Variants in SLX4IP observed in about 807,000 individuals in gnomAD.
SLX4IP encodes protein SLX4IP.
A neutral mutation model predicts 32.9 loss-of-function variants in SLX4IP; 34 were observed. That is an observed-to-expected ratio of 1.03 (90% CI 0.79 to 1.38). The LOEUF (loss-of-function observed/expected upper bound fraction) is 1.38. Among genes scored for constraint, SLX4IP ranks in the 40% most tolerant of loss-of-function variants. The pLI, the probability that SLX4IP is intolerant of heterozygous loss-of-function variation, is 0.00. For missense variants in SLX4IP, 444 were observed against 479.0 expected (o/e 0.93, Z 0.68); for synonymous variants, 172 against 171.7 (o/e 1.00, Z -0.01).
intron 2 of SLX4IP, among the ~76,000 whole-genome samples, chr20:10,510,249 T>G (rs1400066722): frequency 6.6e-6 from 1 of 152,016 alleles, no homozygotes; most frequent in East Asian, 1.9e-4. Flanking sequence ...GTGCCGTCCA[T>G]GCACTGGATA....
chr20:10,516,542 C>G (rs860714), intron 2 of SLX4IP, among the ~76,000 whole-genome samples: 2 of 151,786 alleles, frequency 1.3e-5, no homozygotes, highest in Non-Finnish European at 2.9e-5. Context: ...CCTTCTAAGA[C>G]GTATGCTTGT....
intron 7 of SLX4IP, among the ~76,000 whole-genome samples, chr20:10,622,066 A>C (rs1328736533): frequency 1.3e-5 from 2 of 152,180 alleles, no homozygotes; most frequent in African/African-American, 4.8e-5. Context: ...TTTGTCTTCC[A>C]CGATTGTATT....
At chr20:10,613,967 C>T in intron 6 of SLX4IP, 7 of 1,167,190 alleles carry the variant, frequency 6.0e-6, no homozygotes, top group Non-Finnish European at 9.0e-6. Flanking sequence ...AGTCCTCGTC[C>T]ACCGTTCCCT....
chr20:10,494,542 ACT>A (rs987635630), intron 2 of SLX4IP, among the ~76,000 whole-genome samples: 29 of 151,848 alleles, frequency 1.9e-4, no homozygotes, highest in African/African-American at 6.8e-4. Context: ...ATTAAATAAA[ACT>A]CTGTATTTAA....
At chr20:10,497,448 G>T (rs2065677911) in intron 2 of SLX4IP, among the ~76,000 whole-genome samples, 1 of 152,096 alleles carries the variant, frequency 6.6e-6, no homozygotes, top group Non-Finnish European at 1.5e-5. Flanking sequence ...ACTCAAAGGT[G>T]TTTTCATCTG....
At chr20:10,565,503 C>T (rs900350915) in intron 4 of SLX4IP, among the ~76,000 whole-genome samples, 3 of 152,158 alleles carry the variant, frequency 2.0e-5, no homozygotes, top group African/African-American at 7.2e-5. Flanking sequence ...CCTGTGGCCA[C>T]AGCCTTGTGC....
Position 10,567,719 on chromosome 20 carries a change from C to G in SLX4IP, c.238+6899C>G, listed in dbSNP as rs139041075. On this transcript the variant is annotated intron_variant, in intron 4 of 7. Coordinates refer to ENST00000334534, the MANE Select transcript of SLX4IP (RefSeq NM_001009608.3). ...TATGTCACCAGTTCTTGATGACCCTCTCTTCAAACTATTAACCACTGCCAG... is the reference window on the plus strand; with the variant it reads ...TATGTCACCAGTTCTTGATGACCCTGTCTTCAAACTATTAACCACTGCCAG... 7.0e-3 allele frequency among the ~76,000 whole-genome samples: 1,072 copies of G among 152,320 alleles called. 4 individuals are homozygous for G. The highest frequency in any genetic ancestry group is 0.048 in the Middle Eastern group (14 of 294).
intron 2 of SLX4IP, among the ~76,000 whole-genome samples, chr20:10,535,177 C>T (rs938037973): frequency 1.3e-5 from 2 of 151,994 alleles, no homozygotes; most frequent in African/African-American, 4.8e-5. Flanking sequence ...GATGGCTTGG[C>T]CTGGAGGCAT....
At chr20:10,602,498 T>C (rs2066854432) in intron 6 of SLX4IP, among the ~76,000 whole-genome samples, 1 of 152,220 alleles carries the variant, frequency 6.6e-6, no homozygotes, top group South Asian at 2.1e-4. Context: ...AATCTCCTTG[T>C]TGCACGTGTG....
chr20:10,601,026 GCCTTC>G (rs1047785592), intron 5 of SLX4IP, among the ~76,000 whole-genome samples: 2 of 152,120 alleles, frequency 1.3e-5, no homozygotes, highest in African/African-American at 4.8e-5. Context: ...TTACCATCTT[GCCTTC>G]CTTTCATTGA....
intron 1 of SLX4IP, among the ~76,000 whole-genome samples, chr20:10,436,905 A>G (rs1013166613): frequency 6.7e-6 from 1 of 149,308 alleles, no homozygotes; most frequent in South Asian, 2.1e-4. Context: ...TTAGCATCCA[A>G]TTTACCACTG....
chr20:10,544,328 C>G (rs667067), intron 2 of SLX4IP, among the ~76,000 whole-genome samples: 88,437 of 152,034 alleles, frequency 0.58, 26,259 homozygotes, highest in South Asian at 0.75. Flanking sequence ...AGATGCTCAG[C>G]AAGGCACTGT....
intron 2 of SLX4IP, among the ~76,000 whole-genome samples, chr20:10,489,629 TCTC>T (rs1230855126): frequency 1.3e-5 from 2 of 152,128 alleles, no homozygotes; most frequent in African/African-American, 4.8e-5. Flanking sequence ...AAATATTCCC[TCTC>T]CTCAACGTGC....
chr20:10,445,933 CTTTTTTTTTT>C (rs749557514), intron 1 of SLX4IP, among the ~76,000 whole-genome samples: 7 of 60,692 alleles, frequency 1.2e-4, no homozygotes, highest in African/African-American at 1.8e-4. Flanking sequence ...GCTGAGATTG[CTTTTTTTTTT>C]TTTTTTTTTT....
At position 10,590,197 on chromosome 20, in the gene SLX4IP, T is replaced by G. The variant is rs576316502; in HGVS notation, c.239-8478T>G. 4.6e-5 allele frequency among the ~76,000 whole-genome samples: 7 copies of G among 152,234 alleles called. No individual in the cohort carries two copies. In the East Asian group the frequency reaches 1.4e-3, roughly 29 times the overall value. The stretch of plus-strand genomic sequence containing the variant: ...GGTATATTAATCTTTTTAAGACCTT[T>G]TCCTAATTAATTATGAAAACTTTGT... On this transcript the variant is annotated intron_variant, in intron 4 of 7. Transcript: ENST00000334534.
intron 2 of SLX4IP, among the ~76,000 whole-genome samples, chr20:10,545,396 T>C (rs1402346119): frequency 6.6e-6 from 1 of 152,180 alleles, no homozygotes; most frequent in African/African-American, 2.4e-5. Flanking sequence ...CACTTAGCCC[T>C]ATCTTTGGCC....
At chr20:10,516,985 CT>C (rs1263097007) in intron 2 of SLX4IP, among the ~76,000 whole-genome samples, 1 of 152,214 alleles carries the variant, frequency 6.6e-6, no homozygotes, top group Admixed American at 6.5e-5. Context: ...TCAAGATTAT[CT>C]TTTAGGTCAA....
At chr20:10,509,798 T>G (rs780294586) in intron 2 of SLX4IP, among the ~76,000 whole-genome samples, 22 of 151,964 alleles carry the variant, frequency 1.4e-4, no homozygotes, top group Non-Finnish European at 2.5e-4. Context: ...CAAGCAGTCC[T>G]CCCCTTCGGC....
intron 6 of SLX4IP, among the ~76,000 whole-genome samples, chr20:10,619,461 G>A (rs1044436690): frequency 6.6e-6 from 1 of 152,146 alleles, no homozygotes; most frequent in Non-Finnish European, 1.5e-5. Flanking sequence ...AATAAAGGCA[G>A]TGATTGAATT....
Sources: allele counts gnomAD v4.1 joint callset (sites outside exome capture counted in the v4.1 genomes callset), GRCh38; gene constraint gnomAD v4.1.1; transcripts MANE v1.5; gene names NCBI Gene and HGNC (gene_info 2026-07-23, HGNC 2026-07-21).